The following NWD1 variants were observed in gnomAD, a reference collection of about 807,000 sequenced individuals.
The protein encoded by NWD1 is NACHT domain- and WD repeat-containing protein 1.
NWD1 carries 129 observed loss-of-function variants against 135.1 expected under a neutral mutation model. The observed-to-expected ratio is 0.96, with a 90% CI of 0.83 to 1.11. The LOEUF is 1.11. Ranked by LOEUF, NWD1 falls within the 50% of genes least tolerant of loss-of-function variation. NWD1 has a pLI of 0.00. For synonymous variants in NWD1, 773 were observed against 786.0 expected (o/e 0.98, Z 0.28); for missense variants, 1,740 against 1,851.3 (o/e 0.94, Z 1.10).
intron 12 of NWD1, among the ~76,000 whole-genome samples, chr19:16,785,223 T>A (rs1478818944): frequency 3.3e-5 from 5 of 151,658 alleles, no homozygotes; most frequent in African/African-American, 1.2e-4. Flanking sequence ...AAATTATTAA[T>A]GTGATAGGCC....
rs560327017 is a variant in NWD1, at chr19:16,787,723, G to A, written c.2732-1259G>A. ...AAAAATACAAAAATTAGCCAGGCGC[G>A]GTGGCACATGCCTGTAATCCCAGCT... On this transcript the variant is annotated intron_variant, in intron 12 of 18. Transcript: ENST00000524140. Among the ~76,000 whole-genome samples, 49 of 151,232 alleles carry A rather than the reference G, an allele frequency of 3.2e-4. 1 individual carries two copies. In the South Asian group the frequency reaches 7.5e-3, roughly 23 times the overall value.
At chr19:16,742,881 CTATTATTATTATTATTATTAT>C (rs34646876) in intron 4 of NWD1, among the ~76,000 whole-genome samples, 3 of 132,966 alleles carry the variant, frequency 2.3e-5, no homozygotes, top group Admixed American at 1.5e-4. Context: ...ACTATGTTGC[CTATTATTATTATTATTATTAT>C]TATTATTATT....
At chr19:16,775,221 G>A (rs1379632633) in intron 11 of NWD1, among the ~76,000 whole-genome samples, 1 of 152,060 alleles carries the variant, frequency 6.6e-6, no homozygotes, top group Admixed American at 6.6e-5. Flanking sequence ...CCACTAGAAT[G>A]CTGTGTTGAG....
chr19:16,727,671 C>T (rs1350797618), intron 2 of NWD1: 3 of 152,912 alleles, frequency 2.0e-5, no homozygotes, highest in Non-Finnish European at 2.9e-5. Flanking sequence ...TCCACAGTCT[C>T]AGGTAAGGTG....
intron 12 of NWD1, among the ~76,000 whole-genome samples, chr19:16,785,460 G>A (rs1452517995): frequency 1.3e-5 from 2 of 151,734 alleles, no homozygotes; most frequent in African/African-American, 4.8e-5. Context: ...GCAGTGAGCC[G>A]AGATTGCGTC....
rs560426703 is a variant in NWD1 at position 16,786,658 on chromosome 19, T to C, written c.2732-2324T>C. Among the ~76,000 whole-genome samples, 28 of 152,228 alleles carry C rather than the reference T, an allele frequency of 1.8e-4. 1 individual carries two copies. The highest frequency in any genetic ancestry group is 6.7e-4 in the African/African-American group (28 of 41,548). The stretch of plus-strand genomic sequence containing the variant: ...GCTTCCCAGGTTCAAGCGAGTTTCC[T>C]GCCTCAGCTTCCCGAGGAGCTGGGA... On this transcript the variant is annotated intron_variant, in intron 12 of 18. Transcript: ENST00000524140.
At chr19:16,781,987 G>T (rs769865412) in intron 12 of NWD1, among the ~76,000 whole-genome samples, 1 of 151,344 alleles carries the variant, frequency 6.6e-6, no homozygotes, top group Non-Finnish European at 1.5e-5. Flanking sequence ...CCAGCTACTC[G>T]GGAGGCTGAG....
At chr19:16,786,710 CT>C (rs1568379932) in intron 12 of NWD1, among the ~76,000 whole-genome samples, 1 of 152,090 alleles carries the variant, frequency 6.6e-6, no homozygotes, top group African/African-American at 2.4e-5. Flanking sequence ...CCACACCCAG[CT>C]AACTTTCGTA....
chr19:16,762,494 A>G (rs1049318043), intron 8 of NWD1, among the ~76,000 whole-genome samples: 8 of 151,726 alleles, frequency 5.3e-5, no homozygotes, highest in Middle Eastern at 6.8e-3. Flanking sequence ...ACGGGGTTTC[A>G]CCACGTTGGC....
rs1968131000 is a variant in NWD1, at chr19:16,742,634, A to G, written c.199-1787A>G. On this transcript the variant is annotated intron_variant, in intron 4 of 18. Transcript: ENST00000524140. ...AGGACCAGAACTAGAATGGAGAACC[A>G]CCACAAGATTTAATTTAAATCTTAA... 2.0e-5 allele frequency among the ~76,000 whole-genome samples: 3 copies of G among 152,072 alleles called. No homozygotes were observed. In the South Asian group the frequency reaches 6.2e-4, roughly 32 times the overall value.
At position 16,792,811 on chromosome 19, in the gene NWD1, A is replaced by C. The variant is rs561688527; in HGVS notation, c.3213+1189A>C. Among the ~76,000 whole-genome samples, 28 of 146,212 alleles carry C rather than the reference A, an allele frequency of 1.9e-4. 1 individual carries two copies. Among genetic ancestry groups the C allele is most frequent in the African/African-American group, 7.1e-4 (28 of 39,336 alleles). On this transcript the variant is annotated intron_variant, in intron 14 of 18. Coordinates refer to ENST00000524140, the MANE Select transcript of NWD1 (RefSeq NM_001007525.5). ...AGAATCACTTGAACCCGGGAGGTGG[A>C]GGTTGCAGTGAGCCGAGATCATGCC... is the stretch of plus-strand genomic sequence containing the variant.
chr19:16,726,890 A>G (rs1235624022), intron 2 of NWD1, among the ~76,000 whole-genome samples: 1 of 152,136 alleles, frequency 6.6e-6, no homozygotes, highest in Non-Finnish European at 1.5e-5. Context: ...GCAACTGGAA[A>G]GGTCTCCAGA....
intron 11 of NWD1, among the ~76,000 whole-genome samples, chr19:16,778,506 T>G (rs9797887): frequency 0.23 from 32,423 of 140,840 alleles, 4,367 homozygotes; most frequent in Middle Eastern, 0.43. Flanking sequence ...TTTTTTTTTT[T>G]TTGTTGTTGT....
At position 16,807,551 on chromosome 19, in the gene NWD1, C is replaced by T. The variant is rs1326544258; in HGVS notation, c.3737-35C>T. On this transcript the variant is annotated intron_variant, in intron 17 of 18. Coordinates refer to ENST00000524140, the MANE Select transcript of NWD1 (RefSeq NM_001007525.5). ...AAGCAGGGCTGCTGTGATTCACTCT[C>T]AGTGTAAGTCATTCTCATTTTTCTT... 2.0e-6 allele frequency: 3 copies of T among 1,479,858 alleles called. No homozygotes were observed. The African/African-American group carries it at 4.2e-5, about 21-fold the overall frequency. The allele number at this position is 1,479,858 out of a possible 1,614,324, so 91.7% of individuals were successfully genotyped here. A position where few individuals can be genotyped will look rare whatever the true frequency, so the allele number is the denominator to read the frequency against.
At chr19:16,771,321 A>G (rs773838) in intron 10 of NWD1, among the ~76,000 whole-genome samples, 20,754 of 152,028 alleles carry the variant, frequency 0.14, 3,042 homozygotes, top group African/African-American at 0.37. Context: ...GTGGTGGTGC[A>G]TGCCTGTAAT....
intron 12 of NWD1, among the ~76,000 whole-genome samples, chr19:16,781,893 C>T (rs1969865581): frequency 6.6e-6 from 1 of 151,668 alleles, no homozygotes; most frequent in African/African-American, 2.4e-5. Context: ...GAGATCGAGA[C>T]CATCCTGGCT....
rs150921105 is a variant in NWD1 at position 16,765,966 on chromosome 19, G to A, written c.2410+774G>A. Reference sequence around the variant, plus strand: ...TGGGAGGCGGAGGTTACAGTGAGCCGAGATCGCACCACTGCACTCCAGCCT... The same window carrying A: ...TGGGAGGCGGAGGTTACAGTGAGCCAAGATCGCACCACTGCACTCCAGCCT... On this transcript the variant is annotated intron_variant, in intron 10 of 18. Coordinates refer to ENST00000524140, the MANE Select transcript of NWD1 (RefSeq NM_001007525.5). Among the ~76,000 whole-genome samples, 1,170 of 145,974 alleles carry A rather than the reference G, an allele frequency of 8.0e-3. 18 individuals carry two copies. The highest frequency in any genetic ancestry group is 0.028 in the African/African-American group (1,121 of 39,750).
At chr19:16,724,622 A>G (rs1263429872) in intron 2 of NWD1, among the ~76,000 whole-genome samples, 159 bp downstream of exon 2, 1 of 152,080 alleles carries the variant, frequency 6.6e-6, no homozygotes, top group Non-Finnish European at 1.5e-5. Context: ...CTCAGGTGGG[A>G]GGATCGTTTG....
intron 11 of NWD1, among the ~76,000 whole-genome samples, chr19:16,773,592 C>T (rs529460061): frequency 6.6e-5 from 10 of 152,244 alleles, no homozygotes; most frequent in East Asian, 1.9e-4. Context: ...GATTGGTGCC[C>T]ATCTGACAGT....
Sources: allele counts gnomAD v4.1 joint callset (sites outside exome capture counted in the v4.1 genomes callset), GRCh38; gene constraint gnomAD v4.1.1; transcripts MANE v1.5; gene names NCBI Gene and HGNC (gene_info 2026-07-23, HGNC 2026-07-21).